ZNF462: variants seen among roughly 807,000 people sequenced by gnomAD.
ZNF462 encodes the protein zinc finger protein 462.
In ZNF462, 10 loss-of-function variants were observed where a neutral mutation model predicts 201.9. That is an observed-to-expected ratio of 0.05 (90% CI 0.03 to 0.08). The LOEUF (loss-of-function observed/expected upper bound fraction) is 0.08. Among genes scored for constraint, ZNF462 ranks in the 10% least tolerant of loss-of-function variants. The pLI is 1.00. For synonymous variants in ZNF462, 1,227 were observed against 1,193.3 expected (o/e 1.03, Z -0.58); for missense variants, 2,523 against 3,168.3 (o/e 0.80, Z 4.89).
Position 107,009,719 on chromosome 9 carries a change from G to A in ZNF462, c.7313+51G>A. 2 of 1,590,610 alleles carry A rather than the reference G, an allele frequency of 1.3e-6. No homozygotes were observed. Among genetic ancestry groups the A allele is most frequent in the Non-Finnish European group, 1.7e-6 (2 of 1,163,154 alleles). ...CTTTGTCCAAAGCAAGAGGTAGGGA[G>A]GGAGGGAGGGGCTCTTGTTTTGGTT... On this transcript the variant is annotated intron_variant, in intron 12 of 12. Coordinates refer to ENST00000277225, the MANE Select transcript of ZNF462 (RefSeq NM_021224.6). This position sits in a 1 kb window ranked among gnomAD's most constrained non-coding sequence, Gnocchi z 6.1.
rs1416402016 is a variant in ZNF462, at chr9:106,968,403, G to A, written c.6428-3602G>A. 6.6e-6 allele frequency among the ~76,000 whole-genome samples: 1 copy of A among 152,032 alleles called. No individual in the cohort carries two copies. The highest frequency in any genetic ancestry group is 1.5e-5 in the Non-Finnish European group (1 of 68,014). On this transcript the variant is annotated intron_variant, in intron 7 of 12. Transcript: ENST00000277225. This position sits in a 1 kb window ranked among gnomAD's most constrained non-coding sequence, Gnocchi z 4.0. ...CATTTCTTATGATAGCTTACAAACT[G>A]GAGAACTCCATATAACTTAATTAAA...
In ZNF462 at chr9:106,895,528, G is replaced by A. The variant is rs1053352669; in HGVS notation, c.-30-27826G>A. 3.3e-5 allele frequency among the ~76,000 whole-genome samples: 5 copies of A among 152,108 alleles called. No individual in the cohort carries two copies. Among genetic ancestry groups the A allele is most frequent in the Admixed American group, 6.5e-5 (1 of 15,276 alleles). ...ATAATCTTGATAGGGCACAGCTTTC[G>A]TTATATCACATTGCCCTGATTAAGG... On this transcript the variant is annotated intron_variant, in intron 1 of 12. Coordinates refer to ENST00000277225, the MANE Select transcript of ZNF462 (RefSeq NM_021224.6). The surrounding 1 kb of genome is among the most constrained non-coding windows in gnomAD (Gnocchi z 4.4).
At position 107,010,873 on chromosome 9, in the gene ZNF462, A is replaced by C. The variant is rs758312636; in HGVS notation, c.7364A>C (p.Glu2455Ala). ...QVSREEIHPK[E>A]IMENSVKMPS... ...AGCAGAGAAGAAATCCACCCAAAAG[A>C]GATCATGGAGAACAGTGTTAAAATG... Residue 2455 changes from glutamate to alanine, a missense_variant, in exon 13 of 13, where the codon GAG becomes GCG. Coordinates refer to ENST00000277225, the MANE Select transcript of ZNF462 (RefSeq NM_021224.6). This position sits in a 1 kb window ranked among gnomAD's most constrained non-coding sequence, Gnocchi z 4.6. 11 of 1,613,374 alleles carry C rather than the reference A, an allele frequency of 6.8e-6. No individual in the cohort carries two copies. The South Asian group carries it at 1.2e-4, about 18-fold the overall frequency.
intron 9 of ZNF462, among the ~76,000 whole-genome samples, chr9:106,983,749 TCA>T (rs1827620146): frequency 6.6e-6 from 1 of 152,190 alleles, no homozygotes; most frequent in South Asian, 2.1e-4. Context: ...CTGGTGAATG[TCA>T]GTTTCTTTCC....
At chr9:106,899,806 T>G (rs1828978162) in intron 1 of ZNF462, among the ~76,000 whole-genome samples, 1 of 152,142 alleles carries the variant, frequency 6.6e-6, no homozygotes, top group Admixed American at 6.5e-5. Context: ...TAGGAGGAGA[T>G]AGTGTGGCTT....
At chr9:106,986,976 CATAG>C (rs55877241) in intron 10 of ZNF462, among the ~76,000 whole-genome samples, 36,781 of 143,140 alleles carry the variant, frequency 0.26, 4,648 homozygotes, top group Non-Finnish European at 0.27. Context: ...AGTATTCCAT[CATAG>C]ATAGATAGAT....
chr9:106,892,414 C>G lies in ZNF462; in HGVS notation c.-31+29059C>G, dbSNP rs144300786. 3.9e-3 allele frequency among the ~76,000 whole-genome samples: 593 copies of G among 152,290 alleles called. 3 individuals carry two copies. The highest frequency in any genetic ancestry group is 0.014 in the African/African-American group (572 of 41,550). Reference sequence around the variant, plus strand: ...CATCAAACTTGTCACACAACCTGCACATCCCCATGCCCCACTCAATAACAC... The same window carrying G: ...CATCAAACTTGTCACACAACCTGCAGATCCCCATGCCCCACTCAATAACAC... On this transcript the variant is annotated intron_variant, in intron 1 of 12. Transcript: ENST00000277225.
At chr9:106,901,939 A>G (rs1188829355) in intron 1 of ZNF462, among the ~76,000 whole-genome samples, 1 of 152,160 alleles carries the variant, frequency 6.6e-6, no homozygotes, top group Non-Finnish European at 1.5e-5. Context: ...TGCTCTCGCT[A>G]GAACTTTCAA....
intron 7 of ZNF462, among the ~76,000 whole-genome samples, chr9:106,943,059 CGTGTGTGT>C (rs3056311): frequency 1.3e-4 from 19 of 143,154 alleles, no homozygotes; most frequent in Admixed American, 1.2e-3. Flanking sequence ...TTTGCGCGCG[CGTGTGTGT>C]GTGTGTGTGT....
At chr9:106,894,319 A>G (rs962295320) in intron 1 of ZNF462, among the ~76,000 whole-genome samples, 4 of 152,236 alleles carry the variant, frequency 2.6e-5, no homozygotes, top group Non-Finnish European at 5.9e-5. Context: ...TCAGTTTGAC[A>G]GTGTAGGTAG....
rs1588174955 is a variant in ZNF462 at position 106,993,404 on chromosome 9, T to C, written c.7056+8995T>C. On this transcript the variant is annotated intron_variant, in intron 10 of 12. Transcript: ENST00000277225. The surrounding 1 kb of genome is among the most constrained non-coding windows in gnomAD (Gnocchi z 4.0). The stretch of plus-strand genomic sequence containing the variant: ...GCAAAAGGGATAACCATCAGAACCC[T>C]CATTTTATAGGTGATAAACACAATC... Among the ~76,000 whole-genome samples the C allele has an allele frequency of 6.6e-6, 1 of 152,122 alleles. No individual in the cohort carries two copies. Among genetic ancestry groups the C allele is most frequent in the Non-Finnish European group, 1.5e-5 (1 of 68,004 alleles).
chr9:106,871,006 TG>T (rs1358451725), intron 1 of ZNF462, among the ~76,000 whole-genome samples: 1 of 152,156 alleles, frequency 6.6e-6, no homozygotes. Context: ...TGCCAGAGGC[TG>T]GGGGGTGGGA....
In ZNF462 at chr9:107,003,488, A is replaced by T; in HGVS notation, c.7189+62A>T. 6.3e-7 allele frequency: 1 copy of T among 1,585,494 alleles called. No individual in the cohort carries two copies. Among genetic ancestry groups the T allele is most frequent in the Non-Finnish European group, 8.6e-7 (1 of 1,166,092 alleles). On this transcript the variant is annotated intron_variant, in intron 11 of 12. Coordinates refer to ENST00000277225, the MANE Select transcript of ZNF462 (RefSeq NM_021224.6). This position sits in a 1 kb window ranked among gnomAD's most constrained non-coding sequence, Gnocchi z 4.4. The stretch of plus-strand genomic sequence containing the variant: ...TCTGGCATGTCCGTAGTGAGACAGA[A>T]GGGAGGCAGGAGGTTGTTGTAGGAG...
chr9:106,909,451 A>G (rs952849144), intron 1 of ZNF462, among the ~76,000 whole-genome samples: 1 of 152,154 alleles, frequency 6.6e-6, no homozygotes, highest in Non-Finnish European at 1.5e-5. Flanking sequence ...TTCAATGCTC[A>G]CAGCTTCTGC....
intron 1 of ZNF462, among the ~76,000 whole-genome samples, chr9:106,877,735 G>A (rs1376869274): frequency 6.6e-6 from 1 of 152,112 alleles, no homozygotes; most frequent in Non-Finnish European, 1.5e-5. Flanking sequence ...CTCTAACTTT[G>A]TCCAGAGCTA....
intron 1 of ZNF462, among the ~76,000 whole-genome samples, chr9:106,909,186 C>T (rs1467089672): frequency 6.6e-6 from 1 of 151,312 alleles, no homozygotes; most frequent in Non-Finnish European, 1.5e-5. Flanking sequence ...TGGTCTTGAA[C>T]TCCTGACCTC....
chr9:106,972,524 G>A lies in ZNF462; in HGVS notation c.6695+252G>A, dbSNP rs1238536280. Among the ~76,000 whole-genome samples, 1 of 152,200 alleles carries A rather than the reference G, an allele frequency of 6.6e-6. No individual in the cohort carries two copies. Among genetic ancestry groups the A allele is most frequent in the Non-Finnish European group, 1.5e-5 (1 of 68,032 alleles). On this transcript the variant is annotated intron_variant, in intron 8 of 12. Transcript: ENST00000277225. This position sits in a 1 kb window ranked among gnomAD's most constrained non-coding sequence, Gnocchi z 4.8. The stretch of plus-strand genomic sequence containing the variant: ...TGGAGCAAATGGGCTCTCAAGTAGT[G>A]TAAGATTGAAGCAAATGATTTCCTC...
In ZNF462 at chr9:106,925,899, C is replaced by A. The variant is rs368651212; in HGVS notation, c.1987C>A (p.Leu663Ile). The A allele has an allele frequency of 6.2e-7, 1 of 1,614,196 alleles. No homozygotes were observed. The highest frequency in any genetic ancestry group is 1.3e-5 in the African/African-American group (1 of 75,048). The change falls in exon 3 of 13, where the codon CTT becomes ATT. Residue 663 changes from leucine to isoleucine, a missense_variant. This residue lies in a region of ZNF462 where 383 missense variants were observed against 453.4 expected (regional missense o/e 0.84). Coordinates refer to ENST00000277225, the MANE Select transcript of ZNF462 (RefSeq NM_021224.6). The surrounding 1 kb of genome is among the most constrained non-coding windows in gnomAD (Gnocchi z 7.9). ...TGTGAAGAAAAGTCAGACCTCAATT[C>A]TTGGGTTGTCCTCCAAGAACAATTT... is the stretch of plus-strand genomic sequence containing the variant. ...NTVKKSQTSI[L>I]GLSSKNNFVA...
chr9:107,011,330 C>T lies in ZNF462; in HGVS notation c.*300C>T. 2.9e-6 allele frequency: 1 copy of T among 343,056 alleles called. No individual in the cohort carries two copies. Among genetic ancestry groups the T allele is most frequent in the East Asian group, 6.8e-5 (1 of 14,656 alleles). 21.3% of individuals were successfully genotyped at this position (343,056 alleles called of 1,614,324 possible). On this transcript the variant is annotated 3_prime_UTR_variant, in exon 13 of 13. Transcript: ENST00000277225. The surrounding 1 kb of genome is among the most constrained non-coding windows in gnomAD (Gnocchi z 5.6). ...GCACCTCCCAATGGTACGGTGCACC[C>T]TGTGGTGGTCTTGGACAGTATGTGG...
Sources: gnomAD v4.1 joint callset for allele counts (sites outside exome capture counted in the v4.1 genomes callset) on GRCh38, gnomAD v4.1.1 for gene constraint, gnomAD v4.1.1 regional missense constraint, Gnocchi (gnomAD v3.1) non-coding constraint, MANE v1.5 for transcripts, NCBI Gene and HGNC (gene_info 2026-07-23, HGNC 2026-07-21) for gene names.